The following TENM4 variants were observed in gnomAD, a reference collection of about 807,000 sequenced individuals.
The protein encoded by TENM4 is teneurin-4.
TENM4 carries 82 observed loss-of-function variants against 243.3 expected under a neutral mutation model. The observed-to-expected ratio is 0.34, with a 90% CI of 0.28 to 0.40. The LOEUF (loss-of-function observed/expected upper bound fraction) is 0.40, where lower values mean the gene tolerates loss of function less well. Among genes scored for constraint, TENM4 ranks in the 10% least tolerant of loss-of-function variants. The pLI is 1.00. For synonymous variants in TENM4, 1,412 were observed against 1,456.3 expected (o/e 0.97, Z 0.69); for missense variants, 3,138 against 3,673.3 (o/e 0.85, Z 3.77).
At chr11:78,764,695 A>G (rs1345266145) in intron 18 of TENM4, among the ~76,000 whole-genome samples, 1 of 152,182 alleles carries the variant, frequency 6.6e-6, no homozygotes, top group Admixed American at 6.5e-5. Flanking sequence ...AGTACCCATT[A>G]TGTGGCTGGC....
chr11:79,144,277 C>T (rs945048350), intron 4 of TENM4, among the ~76,000 whole-genome samples: 1 of 151,908 alleles, frequency 6.6e-6, no homozygotes, highest in Non-Finnish European at 1.5e-5. Flanking sequence ...TTTAAAATGG[C>T]TTTTATCCAA....
chr11:79,133,699 T>C (rs1411478285), intron 4 of TENM4, among the ~76,000 whole-genome samples: 1 of 152,150 alleles, frequency 6.6e-6, no homozygotes, highest in African/African-American at 2.4e-5. Context: ...TGGTTTAACA[T>C]AAGCAAGTCA....
At chr11:78,990,712 T>C (rs1285295478) in intron 6 of TENM4, among the ~76,000 whole-genome samples, 3 of 152,196 alleles carry the variant, frequency 2.0e-5, no homozygotes, top group Non-Finnish European at 4.4e-5. Flanking sequence ...GGATGGGTGT[T>C]GATGCTAAAG....
chr11:79,101,213 C>T (rs779133554), intron 4 of TENM4, among the ~76,000 whole-genome samples: 1 of 152,114 alleles, frequency 6.6e-6, no homozygotes, highest in African/African-American at 2.4e-5. Context: ...TATAAACACT[C>T]TCTGTAGAAT....
intron 3 of TENM4, among the ~76,000 whole-genome samples, chr11:79,164,343 CTATA>C (rs1862853297): frequency 1.1e-3 from 113 of 105,476 alleles, no homozygotes; most frequent in Non-Finnish European, 1.7e-3. Flanking sequence ...TATAGATATA[CTATA>C]TAGATACTAT....
intron 1 of TENM4, among the ~76,000 whole-genome samples, chr11:79,361,757 T>C (rs1293357849): frequency 2.0e-5 from 3 of 151,426 alleles, no homozygotes; most frequent in Admixed American, 6.6e-5. Context: ...GGAAAATAAA[T>C]ATCGCAACAG....
chr11:79,382,127 A>G (rs567727730), intron 1 of TENM4, among the ~76,000 whole-genome samples: 56 of 152,332 alleles, frequency 3.7e-4, no homozygotes, highest in Non-Finnish European at 3.4e-4. Flanking sequence ...TCAGATAGGT[A>G]CAGGGAGTTG....
chr11:78,903,064 C>G (rs534397699), intron 7 of TENM4, among the ~76,000 whole-genome samples: 1 of 152,306 alleles, frequency 6.6e-6, no homozygotes, highest in South Asian at 2.1e-4. Context: ...TGGTAATCAG[C>G]AGGCTAGCAC....
intron 27 of TENM4, among the ~76,000 whole-genome samples, chr11:78,704,135 A>G (rs1859180518): frequency 7.4e-6 from 1 of 135,468 alleles, no homozygotes; most frequent in Non-Finnish European, 1.6e-5. Context: ...ATACACGTGT[A>G]TGTCTATGTG....
chr11:79,344,125 G>T (rs1590894962), intron 1 of TENM4, among the ~76,000 whole-genome samples: 1 of 152,200 alleles, frequency 6.6e-6, no homozygotes, highest in East Asian at 1.9e-4. Context: ...GTGGGACAGT[G>T]CCTGGTACAC....
intron 12 of TENM4, among the ~76,000 whole-genome samples, chr11:78,845,502 C>T (rs1198953191): frequency 7.2e-5 from 11 of 152,166 alleles, no homozygotes; most frequent in Admixed American, 7.2e-4. Flanking sequence ...TCAGCTCTAC[C>T]CCCAACTGTA....
chr11:78,994,486 C>G (rs1050771044), intron 6 of TENM4, among the ~76,000 whole-genome samples: 5 of 152,220 alleles, frequency 3.3e-5, no homozygotes, highest in African/African-American at 9.7e-5. Context: ...TATAAAGTTC[C>G]TCTAAGCTGA....
chr11:78,895,858 G>A (rs143769525), intron 7 of TENM4, among the ~76,000 whole-genome samples: 20 of 152,328 alleles, frequency 1.3e-4, no homozygotes, highest in African/African-American at 4.8e-4. Flanking sequence ...TCACAGCCCT[G>A]AGCTGCCTCT....
At chr11:78,930,688 G>T (rs568551297) in intron 6 of TENM4, among the ~76,000 whole-genome samples, 1 of 152,212 alleles carries the variant, frequency 6.6e-6, no homozygotes, top group Admixed American at 6.5e-5. Context: ...TGTGACAAAG[G>T]TCACACTGCA....
intron 4 of TENM4, among the ~76,000 whole-genome samples, chr11:79,126,044 A>C (rs10793364): frequency 6.6e-6 from 1 of 152,204 alleles, no homozygotes; most frequent in Admixed American, 6.5e-5. Context: ...ATTTGGGCCC[A>C]CTAAGTAGGG....
At chr11:78,786,172 A>C (rs1387590619) in intron 16 of TENM4, among the ~76,000 whole-genome samples, 1 of 152,254 alleles carries the variant, frequency 6.6e-6, no homozygotes, top group Non-Finnish European at 1.5e-5. Flanking sequence ...CGAAGTGATC[A>C]GCTTGTTTTC....
chr11:78,823,952 T>C (rs1857793189), intron 12 of TENM4, among the ~76,000 whole-genome samples: 1 of 152,182 alleles, frequency 6.6e-6, no homozygotes, highest in Admixed American at 6.5e-5. Flanking sequence ...CAGTTCCGTA[T>C]GTAGGAAGGG....
rs76058956 is a variant in TENM4 at position 78,662,960 on chromosome 11, A to G, written c.7409-1369T>C. ...GTGGGCCCTTCAGGCAAAGATGACT[A>G]TACTAGGCAAGGCCTAGAGAGGGAA... is the stretch of plus-strand genomic sequence containing the variant. On this transcript the variant is annotated intron_variant, in intron 32 of 33. Coordinates refer to ENST00000278550, the MANE Select transcript of TENM4 (RefSeq NM_001098816.3). 4.7e-3 allele frequency among the ~76,000 whole-genome samples: 722 copies of G among 152,352 alleles called. 9 individuals carry two copies. The highest frequency in any genetic ancestry group is 0.016 in the African/African-American group (678 of 41,592).
chr11:79,285,093 C>T (rs2135371526), intron 2 of TENM4, among the ~76,000 whole-genome samples: 1 of 152,150 alleles, frequency 6.6e-6, no homozygotes, highest in East Asian at 1.9e-4. Context: ...CAAAAATTAG[C>T]TGGGCATGGT....
Sources: allele counts gnomAD v4.1 joint callset (sites outside exome capture counted in the v4.1 genomes callset), GRCh38; gene constraint gnomAD v4.1.1; transcripts MANE v1.5; gene names NCBI Gene and HGNC (gene_info 2026-07-23, HGNC 2026-07-21).